SLC4A10: variants seen among roughly 807,000 people sequenced by gnomAD.
SLC4A10 encodes the protein sodium-driven chloride bicarbonate exchanger.
A neutral mutation model predicts 137.7 loss-of-function variants in SLC4A10; 42 were observed. That is an observed-to-expected ratio of 0.30 (90% CI 0.24 to 0.39). The LOEUF (loss-of-function observed/expected upper bound fraction) is 0.39, where lower values mean the gene tolerates loss of function less well. SLC4A10 is among the 10% of genes least tolerant of loss of function. SLC4A10 has a pLI of 1.00. For missense variants in SLC4A10, 925 were observed against 1,355.0 expected, an observed-to-expected ratio of 0.68 and a Z score of 4.98; for synonymous variants, 474 against 464.1, an observed-to-expected ratio of 1.02 and a Z score of -0.27.
chr2:161,930,454 T>A (rs1007118146), intron 15 of SLC4A10, among the ~76,000 whole-genome samples: 1 of 151,898 alleles, frequency 6.6e-6, no homozygotes, highest in Non-Finnish European at 1.5e-5. Context: ...AGAAGCTTTA[T>A]ACACCATTAT....
intron 1 of SLC4A10, among the ~76,000 whole-genome samples, chr2:161,647,228 C>A (rs1025727758): frequency 6.6e-6 from 1 of 151,868 alleles, no homozygotes; most frequent in Non-Finnish European, 1.5e-5. Context: ...TATTTACATG[C>A]CTATCATGTT....
chr2:161,745,132 T>G (rs1559154579), intron 1 of SLC4A10, among the ~76,000 whole-genome samples: 1 of 152,192 alleles, frequency 6.6e-6, no homozygotes, highest in Non-Finnish European at 1.5e-5. Flanking sequence ...TATCATCTCT[T>G]TGAATACACT....
intron 1 of SLC4A10, among the ~76,000 whole-genome samples, chr2:161,675,890 C>T (rs1056980600): frequency 6.6e-6 from 1 of 152,156 alleles, no homozygotes; most frequent in Non-Finnish European, 1.5e-5. Context: ...TTCCTCTATG[C>T]CTATTTTAAA....
intron 1 of SLC4A10, among the ~76,000 whole-genome samples, chr2:161,657,529 G>T (rs551433809): frequency 1.6e-4 from 24 of 151,906 alleles, no homozygotes; most frequent in African/African-American, 5.1e-4. Flanking sequence ...ATAAATAAAA[G>T]ATTTCATCAG....
intron 15 of SLC4A10, among the ~76,000 whole-genome samples, chr2:161,922,531 G>C (rs1338763480): frequency 6.6e-6 from 1 of 151,974 alleles, no homozygotes; most frequent in East Asian, 1.9e-4. Flanking sequence ...ACAAATAATG[G>C]TTCTGAAGGG....
At chr2:161,839,958 A>G (rs758090214) in intron 4 of SLC4A10, 31 bp downstream of exon 4, 3 of 1,608,452 alleles carry the variant, frequency 1.9e-6, no homozygotes, top group East Asian at 4.5e-5. Flanking sequence ...GTGAAGGTAT[A>G]CTAAAGAATT....
intron 1 of SLC4A10, among the ~76,000 whole-genome samples, chr2:161,638,458 T>G (rs982681659): frequency 1.3e-5 from 2 of 152,154 alleles, no homozygotes; most frequent in Admixed American, 1.3e-4. Flanking sequence ...TGTTTCTGGG[T>G]TTTCTATTCT....
At chr2:161,960,442 T>C (rs1575856097) in intron 21 of SLC4A10, among the ~76,000 whole-genome samples, 1 of 145,506 alleles carries the variant, frequency 6.9e-6, no homozygotes, top group South Asian at 2.2e-4. Flanking sequence ...TATGAAGATG[T>C]AGGAAGGCCA....
intron 1 of SLC4A10, among the ~76,000 whole-genome samples, chr2:161,686,748 GTTTA>G (rs1488626115): frequency 1.3e-5 from 2 of 152,086 alleles, no homozygotes; most frequent in Admixed American, 6.5e-5. Flanking sequence ...TTTTTTAATT[GTTTA>G]TTTATTTGCA....
chr2:161,708,457 A>G (rs909679104), intron 1 of SLC4A10, among the ~76,000 whole-genome samples: 1 of 151,646 alleles, frequency 6.6e-6, no homozygotes, highest in Non-Finnish European at 1.5e-5. Flanking sequence ...AGTATCAGAA[A>G]TGGGAAATCT....
At chr2:161,768,713 G>A (rs1392130790) in intron 1 of SLC4A10, among the ~76,000 whole-genome samples, 1 of 151,832 alleles carries the variant, frequency 6.6e-6, no homozygotes, top group Non-Finnish European at 1.5e-5. Flanking sequence ...CAATACCATA[G>A]GTCTCTGAAT....
intron 1 of SLC4A10, among the ~76,000 whole-genome samples, chr2:161,728,453 G>A (rs748536718): frequency 6.2e-5 from 9 of 145,842 alleles, no homozygotes; most frequent in Non-Finnish European, 1.1e-4. Context: ...GTGTGCCCCT[G>A]TAGTCCCAGC....
At chr2:161,936,343 T>G (rs1691583996) in intron 15 of SLC4A10, among the ~76,000 whole-genome samples, 1 of 152,166 alleles carries the variant, frequency 6.6e-6, no homozygotes, top group African/African-American at 2.4e-5. Flanking sequence ...TGAAAGAGTT[T>G]CAGAGGAACT....
At chr2:161,889,279 G>A (rs577291614) in intron 10 of SLC4A10, among the ~76,000 whole-genome samples, 1 of 152,270 alleles carries the variant, frequency 6.6e-6, no homozygotes, top group African/African-American at 2.4e-5. Flanking sequence ...TTTGGTATCA[G>A]GATGATGCTG....
In SLC4A10 at chr2:161,905,862, G is replaced by A. The variant is rs777005850; in HGVS notation, c.1972G>A (p.Asp658Asn). The A allele has an allele frequency of 6.2e-7, 1 of 1,612,486 alleles. No homozygotes were observed. The highest frequency in any genetic ancestry group is 8.5e-7 in the Non-Finnish European group (1 of 1,179,112). ...SEAYPINMHN[D>N]LELLTQYSCN... ...AGCATATCCAATCAACATGCATAAT[G>A]ATCTGGAACTGCTGACACAATACTC... is the stretch of plus-strand genomic sequence containing the variant. The change falls in exon 15 of 27, where the codon GAT becomes AAT. Residue 658 changes from aspartate to asparagine, a missense_variant. By Grantham distance (23) the Asp-to-Asn change is conservative. This residue lies in a region of SLC4A10 where 91 missense variants were observed against 95.6 expected (regional missense o/e 0.95). Coordinates refer to ENST00000446997, the MANE Select transcript of SLC4A10 (RefSeq NM_001178015.2).
chr2:161,635,178 G>T (rs1417951135), intron 1 of SLC4A10, among the ~76,000 whole-genome samples: 1 of 151,530 alleles, frequency 6.6e-6, no homozygotes, highest in Non-Finnish European at 1.5e-5. Flanking sequence ...TTTTTTTTAA[G>T]ATTCACACAA....
chr2:161,677,180 C>G (rs1293273697), intron 1 of SLC4A10, among the ~76,000 whole-genome samples: 9 of 152,006 alleles, frequency 5.9e-5, no homozygotes, highest in Admixed American at 5.9e-4. Flanking sequence ...TGAAAAGAGC[C>G]TGGCACCTCT....
rs973497321 is a variant in SLC4A10, at chr2:161,720,083, G to A, written c.49-50890G>A. 6.0e-4 allele frequency among the ~76,000 whole-genome samples: 91 copies of A among 152,286 alleles called. 1 individual carries two copies. Among genetic ancestry groups the A allele is most frequent in the Non-Finnish European group, 1.2e-3 (85 of 68,016 alleles). On this transcript the variant is annotated intron_variant, in intron 1 of 26. Coordinates refer to ENST00000446997, the MANE Select transcript of SLC4A10 (RefSeq NM_001178015.2). ...AATTAATTTTTGTATAAGGTGTAAG[G>A]AAGGGATCCAGTTTCAACTTTCTAC...
At chr2:161,978,402 GAAAAGA>G (rs1318429961) in intron 26 of SLC4A10, among the ~76,000 whole-genome samples, 2 of 69,536 alleles carry the variant, frequency 2.9e-5, no homozygotes, top group Admixed American at 1.6e-4. Flanking sequence ...AAAAAAAAAA[GAAAAGA>G]AAAAGAAAAA....
Sources: gnomAD v4.1 joint callset for allele counts (sites outside exome capture counted in the v4.1 genomes callset) on GRCh38, gnomAD v4.1.1 for gene constraint, gnomAD v4.1.1 regional missense constraint, MANE v1.5 for transcripts, NCBI Gene and HGNC (gene_info 2026-07-23, HGNC 2026-07-21) for gene names.